The following KCNT2 variants were observed in gnomAD, a reference collection of about 807,000 sequenced individuals.
KCNT2 encodes potassium sodium-activated channel subfamily T member 2, also known as potassium channel subfamily T member 2.
A neutral mutation model predicts 153.8 loss-of-function variants in KCNT2; 67 were observed. The ratio of observed to expected loss-of-function variants is 0.44; its 90% CI spans 0.36 to 0.53. The LOEUF (loss-of-function observed/expected upper bound fraction) is 0.53. Among genes scored for constraint, KCNT2 ranks in the 20% least tolerant of loss-of-function variants. The pLI, the probability that KCNT2 is intolerant of heterozygous loss-of-function variation, is 0.00. For missense variants in KCNT2, 975 were observed against 1,354.8 expected, an observed-to-expected ratio of 0.72 and a Z score of 4.40; for synonymous variants, 500 against 458.8, an observed-to-expected ratio of 1.09 and a Z score of -1.15.
chr1:196,360,334 G>A (rs1219738696), intron 14 of KCNT2, among the ~76,000 whole-genome samples: 1 of 151,864 alleles, frequency 6.6e-6, no homozygotes, highest in African/African-American at 2.4e-5. Flanking sequence ...GGACAACTGG[G>A]GATTGCATAT....
chr1:196,262,553 A>G (rs1460680982), intron 25 of KCNT2, among the ~76,000 whole-genome samples: 2 of 151,980 alleles, frequency 1.3e-5, no homozygotes, highest in Admixed American at 1.3e-4. Context: ...TACTTGAGGG[A>G]TCATCTAAAT....
intron 14 of KCNT2, among the ~76,000 whole-genome samples, chr1:196,355,666 A>G (rs572582913): frequency 5.3e-5 from 8 of 151,826 alleles, no homozygotes; most frequent in African/African-American, 1.9e-4. Context: ...TGTTCATTTA[A>G]TTCCTGTTAC....
chr1:196,299,011 G>A (rs1005692730), intron 22 of KCNT2, among the ~76,000 whole-genome samples: 3 of 151,566 alleles, frequency 2.0e-5, no homozygotes, highest in African/African-American at 7.3e-5. Flanking sequence ...ACCATCATTT[G>A]GGAATGGTGA....
intron 1 of KCNT2, among the ~76,000 whole-genome samples, chr1:196,522,749 A>G (rs1653613279): frequency 6.6e-6 from 1 of 152,184 alleles, no homozygotes; most frequent in Non-Finnish European, 1.5e-5. Context: ...GTGTCTAGCT[A>G]AAGGATTGTA....
At position 196,578,158 on chromosome 1, in the gene KCNT2, A is replaced by C. The variant is rs1334102646; in HGVS notation, c.95+30057T>G. 4.0e-5 allele frequency among the ~76,000 whole-genome samples: 6 copies of C among 151,146 alleles called. No homozygotes were observed. In the Admixed American group the frequency reaches 4.0e-4, roughly 10 times the overall value. ...TTTAAGTATTTTCATTTGGAATCAA[A>C]ATTAGGAAACCTGCAGTCTTACCAC... On this transcript the variant is annotated intron_variant, in intron 1 of 27. Coordinates refer to ENST00000294725, the MANE Select transcript of KCNT2 (RefSeq NM_198503.5).
rs539144400 is a variant in KCNT2 at position 196,472,832 on chromosome 1, T to C, written c.385-3764A>G. Among the ~76,000 whole-genome samples the C allele has an allele frequency of 5.3e-5, 8 of 152,314 alleles. No individual in the cohort carries two copies. In the South Asian group the frequency reaches 1.7e-3, roughly 32 times the overall value. On this transcript the variant is annotated intron_variant, in intron 5 of 27. Coordinates refer to ENST00000294725, the MANE Select transcript of KCNT2 (RefSeq NM_198503.5). ...AGCTCATTTCTCACTTTTTGACTTG[T>C]TAAGCCTAGTTAGCCACCATCCCAT...
chr1:196,591,602 A>G (rs967493671), intron 1 of KCNT2, among the ~76,000 whole-genome samples: 1 of 152,182 alleles, frequency 6.6e-6, no homozygotes, highest in African/African-American at 2.4e-5. Context: ...GCAAATCTCC[A>G]ATGCTCTCAT....
At chr1:196,465,426 A>C (rs372225142) in intron 7 of KCNT2, 39 bp from the exon 8 acceptor site, 1 of 1,080,312 alleles carries the variant, frequency 9.3e-7, no homozygotes, top group East Asian at 2.4e-5. Context: ...ATTTTGATAA[A>C]TACTAAATAT....
chr1:196,571,013 C>T (rs1464726501), intron 1 of KCNT2, among the ~76,000 whole-genome samples: 1 of 152,086 alleles, frequency 6.6e-6, no homozygotes, highest in Non-Finnish European at 1.5e-5. Flanking sequence ...ATATGGCAGA[C>T]TACCTATATT....
chr1:196,570,669 A>G (rs1660676127), intron 1 of KCNT2, among the ~76,000 whole-genome samples: 1 of 152,100 alleles, frequency 6.6e-6, no homozygotes, highest in Admixed American at 6.6e-5. Flanking sequence ...TACAGAATAT[A>G]CAAGCCTTCA....
At chr1:196,526,935 A>G (rs1216849550) in intron 1 of KCNT2, among the ~76,000 whole-genome samples, 2 of 152,142 alleles carry the variant, frequency 1.3e-5, no homozygotes, top group Admixed American at 1.3e-4. Context: ...GGCCCACAGC[A>G]GGAGTTGAAC....
chr1:196,575,231 C>T (rs571738207), intron 1 of KCNT2, among the ~76,000 whole-genome samples: 13 of 152,266 alleles, frequency 8.5e-5, no homozygotes, highest in African/African-American at 2.9e-4. Context: ...TTATTGAACA[C>T]TCTCTTAACT....
chr1:196,289,515 G>T (rs1659992922), intron 22 of KCNT2, among the ~76,000 whole-genome samples: 1 of 152,066 alleles, frequency 6.6e-6, no homozygotes, highest in African/African-American at 2.4e-5. Context: ...TATGTTAGCG[G>T]CCTACATCAA....
At chr1:196,261,141 C>T (rs1173718743) in intron 25 of KCNT2, among the ~76,000 whole-genome samples, 1 of 151,746 alleles carries the variant, frequency 6.6e-6, no homozygotes, top group African/African-American at 2.4e-5. Context: ...AACATGCCAT[C>T]ATAATCTAGT....
intron 22 of KCNT2, among the ~76,000 whole-genome samples, chr1:196,292,318 C>T (rs1485076746): frequency 2.6e-5 from 4 of 152,078 alleles, no homozygotes; most frequent in Non-Finnish European, 4.4e-5. Context: ...AAGAAATGTA[C>T]CTCAACATAA....
chr1:196,472,652 T>G (rs546562863), intron 5 of KCNT2, among the ~76,000 whole-genome samples: 1 of 152,320 alleles, frequency 6.6e-6, no homozygotes, highest in Non-Finnish European at 1.5e-5. Flanking sequence ...TATGATTTGT[T>G]CCCTGACTTA....
intron 14 of KCNT2, among the ~76,000 whole-genome samples, chr1:196,354,061 A>T (rs1443859945): frequency 6.6e-6 from 1 of 151,874 alleles, no homozygotes; most frequent in East Asian, 1.9e-4. Flanking sequence ...ATGAACCTGT[A>T]TGTTTTTGTG....
At chr1:196,604,037 A>T (rs950208155) in intron 1 of KCNT2, among the ~76,000 whole-genome samples, 5 of 152,224 alleles carry the variant, frequency 3.3e-5, no homozygotes, top group African/African-American at 1.2e-4. Flanking sequence ...TAATCCCAGC[A>T]CTTTGGGAGT....
Position 196,257,172 on chromosome 1 carries a change from A to G in KCNT2, c.3211+1022T>C, listed in dbSNP as rs548247182. 6.8e-6 allele frequency: 6 copies of G among 883,786 alleles called. No individual in the cohort carries two copies. The Admixed American group carries it at 3.7e-4, about 55-fold the overall frequency. 54.7% of individuals were successfully genotyped at this position (883,786 alleles called of 1,614,324 possible). On this transcript the variant is annotated intron_variant, in intron 26 of 27. Transcript: ENST00000294725. ...TACCTATCAAATCAGGGTTATAAAGAGTAACAAGAATATACACATAAAGCA... is the reference window on the plus strand; with the variant it reads ...TACCTATCAAATCAGGGTTATAAAGGGTAACAAGAATATACACATAAAGCA...
Sources: gnomAD v4.1 joint callset for allele counts (sites outside exome capture counted in the v4.1 genomes callset) on GRCh38, gnomAD v4.1.1 for gene constraint, MANE v1.5 for transcripts, NCBI Gene and HGNC (gene_info 2026-07-23, HGNC 2026-07-21) for gene names.